Variants in IL1RAPL2 observed in about 807,000 individuals in gnomAD.
IL1RAPL2 encodes the protein interleukin 1 receptor accessory protein like 2.
A neutral mutation model predicts 44.1 loss-of-function variants in IL1RAPL2; 3 were observed. That is an observed-to-expected ratio of 0.07 (90% CI 0.03 to 0.18). The LOEUF is 0.18. Ranked by LOEUF, IL1RAPL2 falls within the 10% of genes least tolerant of loss-of-function variation. IL1RAPL2 has a pLI of 1.00. For synonymous variants in IL1RAPL2, 181 were observed against 178.8 expected (o/e 1.01, Z -0.10); for missense variants, 391 against 496.4 (o/e 0.79, Z 2.02).
chrX:104,903,129 T>A (rs1923866769), intron 2 of IL1RAPL2, among the ~76,000 whole-genome samples: 1 of 111,970 alleles, frequency 8.9e-6, no homozygotes, highest in South Asian at 3.7e-4. Context: ...AAAACCTTTT[T>A]ATTCCACTAT....
At chrX:104,839,732 T>G (rs905921694) in intron 2 of IL1RAPL2, among the ~76,000 whole-genome samples, 2 of 111,833 alleles carry the variant, frequency 1.8e-5, no homozygotes, top group African/African-American at 6.5e-5. Flanking sequence ...TTTTTTTGTT[T>G]CGTAGGCTAC....
At chrX:104,647,963 C>T in intron 1 of IL1RAPL2, 1 of 818,953 alleles carries the variant, frequency 1.2e-6, no homozygotes, top group Non-Finnish European at 1.8e-6. Flanking sequence ...TAAGGCCAGG[C>T]CAAACTTGCC....
At chrX:104,576,082 AT>A (rs1373483610) in intron 1 of IL1RAPL2, among the ~76,000 whole-genome samples, 1 of 111,979 alleles carries the variant, frequency 8.9e-6, no homozygotes, top group Admixed American at 9.5e-5. Context: ...TCTGGGTTCT[AT>A]TCTTAGTACA....
At chrX:105,093,576 A>G (rs1011139019) in intron 2 of IL1RAPL2, among the ~76,000 whole-genome samples, 3 of 111,972 alleles carry the variant, frequency 2.7e-5, no homozygotes, top group Admixed American at 9.5e-5. Flanking sequence ...GAAGTGGAGA[A>G]CAGAATTCAA....
chrX:105,146,317 G>A (rs1409354825), intron 2 of IL1RAPL2, among the ~76,000 whole-genome samples: 1 of 110,568 alleles, frequency 9.0e-6, no homozygotes, highest in African/African-American at 3.3e-5. Context: ...CCTTCCCAGG[G>A]CCTTGCCTTC....
At chrX:105,233,262 C>T (rs944003974) in intron 3 of IL1RAPL2, among the ~76,000 whole-genome samples, 9 of 111,350 alleles carry the variant, frequency 8.1e-5, no homozygotes, top group Non-Finnish European at 1.1e-4. Flanking sequence ...CCAGCCTGGG[C>T]GACAGAGCGA....
intron 6 of IL1RAPL2, among the ~76,000 whole-genome samples, chrX:105,583,804 T>C (rs1161324002): frequency 8.9e-6 from 1 of 112,182 alleles, no homozygotes; most frequent in Non-Finnish European, 1.9e-5. Flanking sequence ...TTATTTTTCT[T>C]TTACTAGTTT....
At chrX:104,695,349 A>AAGAG (rs200451049) in intron 2 of IL1RAPL2, among the ~76,000 whole-genome samples, 50 of 106,013 alleles carry the variant, frequency 4.7e-4, no homozygotes, top group Non-Finnish European at 8.4e-4. Flanking sequence ...GAGAGAGAGA[A>AAGAG]AGAGAGAGAG....
intron 2 of IL1RAPL2, among the ~76,000 whole-genome samples, chrX:104,950,825 A>T (rs1173584878): frequency 1.8e-5 from 2 of 110,261 alleles, no homozygotes; most frequent in African/African-American, 6.6e-5. Context: ...CTCCTGCCTC[A>T]GCCTCCCGAG....
At chrX:104,738,321 C>T (rs1267047213) in intron 2 of IL1RAPL2, among the ~76,000 whole-genome samples, 1 of 112,133 alleles carries the variant, frequency 8.9e-6, no homozygotes, top group East Asian at 2.8e-4. Context: ...GATTAATGAA[C>T]AGATGTGTGA....
chrX:105,347,768 C>G (rs950541337), intron 5 of IL1RAPL2, among the ~76,000 whole-genome samples: 2 of 111,120 alleles, frequency 1.8e-5, no homozygotes, highest in Admixed American at 9.7e-5. Flanking sequence ...AGGATACTTA[C>G]TGTAGGATGC....
At chrX:105,071,978 C>A (rs964103754) in intron 2 of IL1RAPL2, among the ~76,000 whole-genome samples, 30 of 111,938 alleles carry the variant, frequency 2.7e-4, no homozygotes, top group African/African-American at 9.4e-4. Context: ...TTGGAGATGA[C>A]TTCAAAAACA....
intron 5 of IL1RAPL2, among the ~76,000 whole-genome samples, chrX:105,347,520 T>C (rs767551541): frequency 1.3e-4 from 14 of 108,170 alleles, no homozygotes; most frequent in Non-Finnish European, 2.7e-4. Context: ...TGGAGTATTG[T>C]AATTTATTCC....
At chrX:104,684,607 G>A (rs755365236) in intron 2 of IL1RAPL2, among the ~76,000 whole-genome samples, 15 of 112,219 alleles carry the variant, frequency 1.3e-4, no homozygotes, top group South Asian at 3.7e-4. Context: ...AAGAGCTTGC[G>A]CTGTGGCTTG....
At chrX:105,463,423 G>C (rs1031357002) in intron 5 of IL1RAPL2, among the ~76,000 whole-genome samples, 4 of 111,017 alleles carry the variant, frequency 3.6e-5, no homozygotes, top group African/African-American at 1.3e-4. Flanking sequence ...TAGAGTTCAG[G>C]GTTCTAATTC....
intron 1 of IL1RAPL2, among the ~76,000 whole-genome samples, chrX:104,632,611 A>G (rs1403038945): frequency 9.3e-6 from 1 of 107,244 alleles, no homozygotes; most frequent in African/African-American, 3.4e-5. Flanking sequence ...GCAATTGTGA[A>G]TGGGAGTTCA....
chrX:105,078,265 G>C (rs994566721), intron 2 of IL1RAPL2, among the ~76,000 whole-genome samples: 1 of 112,030 alleles, frequency 8.9e-6, no homozygotes, highest in Non-Finnish European at 1.9e-5. Flanking sequence ...AGGACCCTTA[G>C]CTGCAGGTGT....
At chrX:105,426,831 G>A (rs1441555448) in intron 5 of IL1RAPL2, among the ~76,000 whole-genome samples, 2 of 111,419 alleles carry the variant, frequency 1.8e-5, no homozygotes, top group Non-Finnish European at 3.8e-5. Context: ...TATACTTTTG[G>A]CATGGCCATG....
At chrX:104,583,594 CAG>C (rs984942148) in intron 1 of IL1RAPL2, among the ~76,000 whole-genome samples, 6 of 112,174 alleles carry the variant, frequency 5.3e-5, no homozygotes, top group African/African-American at 1.6e-4. Flanking sequence ...TTTTAATTGA[CAG>C]ATAATATTTC....
Sources: gnomAD v4.1 joint callset for allele counts (sites outside exome capture counted in the v4.1 genomes callset) on GRCh38, gnomAD v4.1.1 for gene constraint, MANE v1.5 for transcripts, NCBI Gene and HGNC (gene_info 2026-07-23, HGNC 2026-07-21) for gene names.